RYR1: variants seen among roughly 807,000 people sequenced by gnomAD.
RYR1 encodes the protein central core disease of muscle.
In RYR1, 342 loss-of-function variants were observed where a neutral mutation model predicts 583.5. That is an observed-to-expected ratio of 0.59 (90% CI 0.54 to 0.64). The LOEUF (loss-of-function observed/expected upper bound fraction) is 0.64. Among genes scored for constraint, RYR1 ranks in the 30% least tolerant of loss-of-function variants. The pLI is 0.00. For synonymous variants in RYR1, 2,791 were observed against 2,822.5 expected, an observed-to-expected ratio of 0.99 and a Z score of 0.35; for missense variants, 6,032 against 6,917.2, an observed-to-expected ratio of 0.87 and a Z score of 4.54.
intron 16 of RYR1, among the ~76,000 whole-genome samples, chr19:38,455,965 A>ATG (rs748769315): frequency 1.5e-5 from 2 of 132,048 alleles, no homozygotes; most frequent in African/African-American, 5.9e-5. Flanking sequence ...GATCTCTGAA[A>ATG]TGTTTTTTTT....
Position 38,497,970 on chromosome 19 carries a change from TA to T in RYR1, c.6891+1026del, listed in dbSNP as rs546898242. On this transcript the variant is annotated intron_variant, in intron 42 of 105. Coordinates refer to ENST00000359596, the MANE Select transcript of RYR1 (RefSeq NM_000540.3). ...ACCTCAGGGACAGAGCGAGACCCCT[TA>T]AAAAAAAAAGTGGCCAGAGAAAGCC... is the stretch of plus-strand genomic sequence containing the variant. Among the ~76,000 whole-genome samples, 19 of 146,636 alleles carry T rather than the reference TA, an allele frequency of 1.3e-4. 1 individual carries two copies. The highest frequency in any genetic ancestry group is 4.3e-4 in the South Asian group (2 of 4,618).
rs546323484 is a variant in RYR1 at position 38,469,082 on chromosome 19, G to A, written c.3498G>A (p.Glu1166=). The A allele has an allele frequency of 2.5e-6, 4 of 1,614,064 alleles. No homozygotes were observed. In the South Asian group the frequency reaches 4.4e-5, roughly 18 times the overall value. ...ENTIIFTLNG[E]VLMSDSGSET... ...CCATTATCTTCACCCTCAATGGCGA[G>A]GTCCTCATGTCTGACTCAGGCTCCG... The change falls in exon 26 of 106, where the codon GAG becomes GAA. Residue 1166 remains glutamate (E), a synonymous_variant. Coordinates refer to ENST00000359596, the MANE Select transcript of RYR1 (RefSeq NM_000540.3).
At chr19:38,575,885 C>T in intron 96 of RYR1, 34 bp from the exon 97 acceptor site, 9 of 1,613,414 alleles carry the variant, frequency 5.6e-6, no homozygotes, top group Non-Finnish European at 7.6e-6. Flanking sequence ...GCCCTAACAT[C>T]TTATACTCAC....
chr19:38,471,726 C>T (rs1968429409), intron 27 of RYR1, among the ~76,000 whole-genome samples: 1 of 151,872 alleles, frequency 6.6e-6, no homozygotes, highest in East Asian at 1.9e-4. Flanking sequence ...CATAGTGAAA[C>T]CCCGTCTCTT....
chr19:38,585,986 T>C lies in RYR1; in HGVS notation c.14852T>C (p.Val4951Ala). ...FGELRDQQEQ[V>A]KEDMETKCFI... ...GAGCTCCGAGACCAACAAGAGCAAG[T>C]GAAGGAGGATATGGAGGTAGGTCAT... The change falls in exon 103 of 106, where the codon GTG becomes GCG. Residue 4951 changes from valine (V) to alanine (A), a missense_variant. Val to Ala is a moderately conservative substitution (Grantham distance 64, BLOSUM62 0). Around this residue, in one of 11 missense-constraint regions of RYR1, gnomAD observed 189 missense variants for 350.3 expected, o/e 0.54. Coordinates refer to ENST00000359596, the MANE Select transcript of RYR1 (RefSeq NM_000540.3). The C allele has an allele frequency of 6.2e-7, 1 of 1,613,256 alleles. No individual in the cohort carries two copies. The highest frequency in any genetic ancestry group is 1.1e-5 in the South Asian group (1 of 90,990).
Position 38,496,424 on chromosome 19 carries a change from A to G in RYR1, c.6679A>G (p.Lys2227Glu), listed in dbSNP as rs781301673. 1 of 1,613,828 alleles carries G rather than the reference A, an allele frequency of 6.2e-7. No homozygotes were observed. ...GGESKEIRFPKMVTSCCRFLC... is the reference protein window; with the variant it reads ...GGESKEIRFPEMVTSCCRFLC... ...CCTGTCCCAGGAGATCCGCTTCCCCAAGATGGTGACAAGCTGCTGCCGCTT... is the reference window on the plus strand; with the variant it reads ...CCTGTCCCAGGAGATCCGCTTCCCCGAGATGGTGACAAGCTGCTGCCGCTT... The change falls in exon 41 of 106, where the codon AAG (lysine) becomes GAG (glutamate). Residue 2227 changes from lysine (K) to glutamate (E), a missense_variant. By Grantham distance (56) the Lys-to-Glu change is moderately conservative. Transcript: ENST00000359596. The surrounding 1 kb of genome is among the most constrained non-coding windows in gnomAD (Gnocchi z 4.8).
intron 57 of RYR1, 73 bp from the exon 58 acceptor site, chr19:38,507,639 G>A (rs41274328): frequency 0.032 from 30,937 of 972,886 alleles, 725 homozygotes; most frequent in Non-Finnish European, 0.043. Context: ...CAGGAGCAGA[G>A]GCGGACCTGA....
At position 38,512,473 on chromosome 19, in the gene RYR1, T is replaced by C. The variant is rs748514443; in HGVS notation, c.9462T>C (p.Asp3154=). The part of the protein sequence containing the change: ...FQHIAQHQFG[D]DVILDDVQVS... The stretch of plus-strand genomic sequence containing the variant: ...ACATCGCCCAGCACCAGTTCGGAGA[T>C]GACGTCATCCGTAAGGGCGCCTGAC... The change falls in exon 63 of 106, where the codon GAT becomes GAC. Residue 3154 remains aspartate, a synonymous_variant. Coordinates refer to ENST00000359596, the MANE Select transcript of RYR1 (RefSeq NM_000540.3). The surrounding 1 kb of genome is among the most constrained non-coding windows in gnomAD (Gnocchi z 5.1). The C allele has an allele frequency of 1.9e-6, 3 of 1,611,676 alleles. No individual in the cohort carries two copies. The highest frequency in any genetic ancestry group is 2.7e-5 in the African/African-American group (2 of 75,048).
chr19:38,442,981 C>T (rs974781885), intron 3 of RYR1, among the ~76,000 whole-genome samples: 8 of 152,196 alleles, frequency 5.3e-5, no homozygotes, highest in Admixed American at 2.0e-4. Flanking sequence ...ACCCCCATGG[C>T]GCCCTTGGAG....
At chr19:38,504,644 G>T in intron 50 of RYR1, 104 bp from the exon 51 acceptor site, 1 of 1,473,882 alleles carries the variant, frequency 6.8e-7, no homozygotes, top group Non-Finnish European at 9.4e-7. Context: ...TCAGGTTTGG[G>T]GTTCAGGGAG....
rs777170044 is a variant in RYR1, at chr19:38,467,682, G to A, written c.3251G>A (p.Ser1084Asn). Residue 1084 changes from serine (S) to asparagine (N), a missense_variant, in exon 25 of 106, where the codon AGC becomes AAC. Transcript: ENST00000359596. ...GCAGAGAAATCCTATACAGTGCAGA[G>A]CGGCCGCTGGTACTTCGAGTTTGAA... ...FRAEKSYTVQ[S>N]GRWYFEFEAV... is the part of the protein sequence containing the mutation. The A allele has an allele frequency of 6.2e-7, 1 of 1,614,234 alleles. No homozygotes were observed. The highest frequency in any genetic ancestry group is 1.1e-5 in the South Asian group (1 of 91,082).
In RYR1 at chr19:38,496,915, T is replaced by C. The variant is rs748638839; in HGVS notation, c.6852T>C (p.Asn2284=). 1.2e-6 allele frequency: 2 copies of C among 1,611,168 alleles called. No homozygotes were observed. The highest frequency in any genetic ancestry group is 1.7e-5 in the Admixed American group (1 of 60,008). The change falls in exon 42 of 106, where the codon AAT becomes AAC. Residue 2284 remains asparagine (N), a synonymous_variant. Coordinates refer to ENST00000359596, the MANE Select transcript of RYR1 (RefSeq NM_000540.3). This position sits in a 1 kb window ranked among gnomAD's most constrained non-coding sequence, Gnocchi z 4.8. ...DVAAASVIDN[N]ELALALQEQD... The stretch of plus-strand genomic sequence containing the variant: ...CTGCTGCCTCCGTCATTGACAACAA[T>C]GAGCTGGCCTTGGCATTGCAGGAGC...
Position 38,505,076 on chromosome 19 carries a change from G to C in RYR1, c.8305G>C (p.Asp2769His), listed in dbSNP as rs566495420. Residue 2769 changes from aspartate (D) to histidine (H), a missense_variant, in exon 52 of 106, where the codon GAC (aspartate) becomes CAC (histidine). Coordinates refer to ENST00000359596, the MANE Select transcript of RYR1 (RefSeq NM_000540.3). Reference protein sequence around the residue: ...AEYTHEKWAFDKIQNNWSYGE... With the variant: ...AEYTHEKWAFHKIQNNWSYGE... ...GTACACACACGAGAAGTGGGCCTTC[G>C]ACAAGGTTGGCCTCAGGGTCCTCCT... The C allele has an allele frequency of 2.5e-6, 4 of 1,614,008 alleles. No individual in the cohort carries two copies. Among genetic ancestry groups the C allele is most frequent in the Non-Finnish European group, 3.4e-6 (4 of 1,179,954 alleles).
intron 75 of RYR1, 120 bp from the exon 76 acceptor site, chr19:38,528,831 C>A: frequency 1.4e-6 from 2 of 1,433,946 alleles, no homozygotes; most frequent in Non-Finnish European, 1.9e-6. Flanking sequence ...TTGAGTAGAA[C>A]CAAAGTAGGG....
Position 38,494,352 on chromosome 19 carries a change from G to C in RYR1, c.6275G>C (p.Arg2092Pro). 2 of 1,611,316 alleles carry C rather than the reference G, an allele frequency of 1.2e-6. No individual in the cohort carries two copies. The highest frequency in any genetic ancestry group is 1.7e-6 in the Non-Finnish European group (2 of 1,179,886). ...EERSAEESKP[R>P]SLQELVSHMV... ...AAGCCTTGCATTGTCTCCTTCCCAG[G>C]GTCCCTGCAGGAGCTGGTGTCCCAC... The change falls in exon 39 of 106, where the codon CGG (arginine) becomes CCG (proline). Residue 2092 changes from arginine (R) to proline (P), a missense_variant and splice_region_variant. By Grantham distance (103) the Arg-to-Pro change is moderately radical. Transcript: ENST00000359596.
intron 93 of RYR1, among the ~76,000 whole-genome samples, chr19:38,569,033 C>T (rs1367136068): frequency 4.6e-5 from 7 of 150,772 alleles, no homozygotes; most frequent in Non-Finnish European, 7.4e-5. Flanking sequence ...TTTTTTGAGA[C>T]GGAGTCTCGC....
rs1199304403 is a variant in RYR1 at position 38,586,086 on chromosome 19, C to G, written c.14869-5C>G. The stretch of plus-strand genomic sequence containing the variant: ...CTCCACTCTGATGTCTCTTGCCACT[C>G]ACAGACCAAGTGCTTCATCTGTGGA... On this transcript the variant is annotated splice_polypyrimidine_tract_variant and splice_region_variant and intron_variant, in intron 103 of 105. Transcript: ENST00000359596. 3.7e-6 allele frequency: 6 copies of G among 1,614,024 alleles called. No homozygotes were observed. Among genetic ancestry groups the G allele is most frequent in the Non-Finnish European group, 5.1e-6 (6 of 1,180,026 alleles).
chr19:38,579,649 G>A (rs1029000545), intron 99 of RYR1, among the ~76,000 whole-genome samples: 6 of 150,340 alleles, frequency 4.0e-5, no homozygotes, highest in African/African-American at 1.5e-4. Flanking sequence ...ATGTTGCCCA[G>A]ACTGGTCTTC....
intron 7 of RYR1, among the ~76,000 whole-genome samples, chr19:38,445,854 A>G (rs11083459): frequency 0.6 from 91,180 of 151,848 alleles, 27,901 homozygotes; most frequent in Admixed American, 0.67. Context: ...GCTGGGCATG[A>G]TGGCGGGCGG....
Sources: allele counts gnomAD v4.1 joint callset (sites outside exome capture counted in the v4.1 genomes callset), GRCh38; gene constraint gnomAD v4.1.1; regional missense constraint gnomAD v4.1.1; non-coding constraint Gnocchi (gnomAD v3.1); transcripts MANE v1.5; gene names NCBI Gene and HGNC (gene_info 2026-07-23, HGNC 2026-07-21).